CLIC5: variants seen among roughly 807,000 people sequenced by gnomAD.
The protein encoded by CLIC5 is CLIC family member 5.
A neutral mutation model predicts 24.7 loss-of-function variants in CLIC5; 20 were observed. That is an observed-to-expected ratio of 0.81 (90% CI 0.57 to 1.18). CLIC5 has a LOEUF of 1.18. CLIC5 is among the 50% of genes most tolerant of loss of function. CLIC5 has a pLI of 0.00. For missense variants in CLIC5, 341 were observed against 326.1 expected, an observed-to-expected ratio of 1.05 and a Z score of -0.35; for synonymous variants, 159 against 135.6, an observed-to-expected ratio of 1.17 and a Z score of -1.20.
chr6:45,886,138 A>C (rs889932640), intron 6 of CLIC5, among the ~76,000 whole-genome samples: 30 of 152,344 alleles, frequency 2.0e-4, no homozygotes, highest in African/African-American at 6.7e-4. Flanking sequence ...TATTTGGGTC[A>C]CTTCAGAATA....
intron 1 of CLIC5, among the ~76,000 whole-genome samples, chr6:46,055,133 G>A (rs546419606): frequency 2.7e-4 from 41 of 151,966 alleles, no homozygotes; most frequent in Non-Finnish European, 4.6e-4. Flanking sequence ...ACAGAGTCTC[G>A]CTCTTGTCAC....
intron 4 of CLIC5, among the ~76,000 whole-genome samples, chr6:45,916,937 G>A (rs911702474): frequency 6.6e-6 from 1 of 152,172 alleles, no homozygotes; most frequent in Non-Finnish European, 1.5e-5. Flanking sequence ...TAGAGGAAGA[G>A]GAGACAAGGC....
the CLIC5 span, among the ~76,000 whole-genome samples, chr6:46,110,425 T>G: frequency 6.6e-6 from 1 of 152,248 alleles, no homozygotes; most frequent in African/African-American, 2.4e-5. Context: ...TGAGTATTTT[T>G]AATTTATGGC....
At chr6:45,958,009 T>G (rs542231547) in intron 1 of CLIC5, among the ~76,000 whole-genome samples, 1 of 152,168 alleles carries the variant, frequency 6.6e-6, no homozygotes, top group Non-Finnish European at 1.5e-5. Context: ...TTGAATCATG[T>G]TCCCCCAAAT....
chr6:46,084,073 T>C (rs1406022778), upstream of CLIC5, among the ~76,000 whole-genome samples: 2 of 152,162 alleles, frequency 1.3e-5, no homozygotes, highest in Non-Finnish European at 2.9e-5. Context: ...TTAAAGTCTG[T>C]TTTATCAGAG....
At chr6:45,988,151 A>G (rs939275497) in intron 1 of CLIC5, among the ~76,000 whole-genome samples, 1 of 152,210 alleles carries the variant, frequency 6.6e-6, no homozygotes, top group Admixed American at 6.5e-5. Context: ...GACACATTAC[A>G]TGCTTCCAAA....
chr6:45,893,785 C>T (rs1762371944), downstream of CLIC5, among the ~76,000 whole-genome samples: 3 of 152,170 alleles, frequency 2.0e-5, no homozygotes, highest in Admixed American at 1.3e-4. Context: ...TAATATGTTC[C>T]TAGTACCCTT....
chr6:45,888,289 G>A (rs534935618), intron 6 of CLIC5, among the ~76,000 whole-genome samples: 100 of 152,298 alleles, frequency 6.6e-4, no homozygotes, highest in African/African-American at 2.2e-3. Flanking sequence ...TTTACCTAAT[G>A]TTGGATCTAT....
chr6:45,930,421 A>G (rs1445052091), intron 4 of CLIC5, among the ~76,000 whole-genome samples: 1 of 152,156 alleles, frequency 6.6e-6, no homozygotes, highest in Non-Finnish European at 1.5e-5. Flanking sequence ...GGCCTGGTGG[A>G]CATGCCCTTC....
the CLIC5 span, among the ~76,000 whole-genome samples, chr6:46,096,311 C>T: frequency 6.6e-6 from 1 of 152,218 alleles, no homozygotes; most frequent in Non-Finnish European, 1.5e-5. Context: ...CAGATCCAAA[C>T]CATATCATGC....
chr6:45,890,668 C>T (rs1159060560), intron 6 of CLIC5, among the ~76,000 whole-genome samples: 2 of 152,028 alleles, frequency 1.3e-5, no homozygotes, highest in Non-Finnish European at 2.9e-5. Context: ...CTAAGTGACC[C>T]GAATCGACAA....
At chr6:46,054,116 A>G (rs759464723) in intron 1 of CLIC5, among the ~76,000 whole-genome samples, 2 of 152,106 alleles carry the variant, frequency 1.3e-5, no homozygotes, top group Non-Finnish European at 2.9e-5. Context: ...ATTTTTCACA[A>G]GAGTACCCCA....
intron 1 of CLIC5, among the ~76,000 whole-genome samples, chr6:46,034,437 T>C (rs1767605956): frequency 6.6e-6 from 1 of 152,182 alleles, no homozygotes; most frequent in Non-Finnish European, 1.5e-5. Context: ...TAACATACTG[T>C]ATTTAAGAAT....
rs539529098 is a variant in CLIC5, at chr6:45,931,686, T to A, written c.406+9861A>T. ...TTGTTTGTTTGTTTTTGAGATGGAA[T>A]CTTGCTCTGTCACCCAGGCTAAAGT... On this transcript the variant is annotated intron_variant, in intron 4 of 5. Transcript: ENST00000339561. Among the ~76,000 whole-genome samples, 23 of 152,350 alleles carry A rather than the reference T, an allele frequency of 1.5e-4. No individual in the cohort carries two copies. In the South Asian group the frequency reaches 4.1e-3, roughly 27 times the overall value.
At chr6:46,086,075 G>A in the CLIC5 span, among the ~76,000 whole-genome samples, 2 of 152,340 alleles carry the variant, frequency 1.3e-5, no homozygotes, top group Admixed American at 6.5e-5. Flanking sequence ...CTCCTGGTGC[G>A]CCGTTTTTTA....
chr6:45,972,905 A>G (rs1765248399), intron 1 of CLIC5, among the ~76,000 whole-genome samples: 1 of 152,362 alleles, frequency 6.6e-6, no homozygotes, highest in Non-Finnish European at 1.5e-5. Flanking sequence ...AAACAAAAAC[A>G]AAACTCCACT....
Position 45,960,194 on chromosome 6 carries a change from A to AG in CLIC5, c.64-4951dup, listed in dbSNP as rs140245140. On this transcript the variant is annotated intron_variant, in intron 1 of 5. Transcript: ENST00000339561. The stretch of plus-strand genomic sequence containing the variant: ...GTAATACTTGGTTTCCAGATAATGA[A>AG]GGGGAAGCTGATAATTGGCCAAAAG... Among the ~76,000 whole-genome samples the AG allele has an allele frequency of 5.2e-3, 785 of 152,308 alleles. 10 individuals carry two copies. Among genetic ancestry groups the AG allele is most frequent in the South Asian group, 0.051 (248 of 4,824 alleles).
chr6:46,121,817 A>T, the CLIC5 span, among the ~76,000 whole-genome samples: 1 of 152,194 alleles, frequency 6.6e-6, no homozygotes, highest in Non-Finnish European at 1.5e-5. Flanking sequence ...ACCAACAAAG[A>T]TCAAAAGAGA....
At chr6:45,973,400 C>T (rs1426018730) in intron 1 of CLIC5, among the ~76,000 whole-genome samples, 7 of 152,308 alleles carry the variant, frequency 4.6e-5, no homozygotes, top group East Asian at 3.9e-4. Flanking sequence ...AAAAATAACT[C>T]GCTTGCAGCT....
Sources: gnomAD v4.1 joint callset for allele counts (sites outside exome capture counted in the v4.1 genomes callset) on GRCh38, gnomAD v4.1.1 for gene constraint, MANE v1.5 for transcripts, NCBI Gene and HGNC (gene_info 2026-07-23, HGNC 2026-07-21) for gene names.